The following BMPR1A variants were observed in gnomAD, a reference collection of about 807,000 sequenced individuals.
BMPR1A encodes bone morphogenetic protein receptor type-1A.
A neutral mutation model predicts 66.0 loss-of-function variants in BMPR1A; 7 were observed. That is an observed-to-expected ratio of 0.11 (90% CI 0.06 to 0.20). The LOEUF (loss-of-function observed/expected upper bound fraction) is 0.20. Among genes scored for constraint, BMPR1A ranks in the 10% least tolerant of loss-of-function variants. The probability of loss-of-function intolerance (pLI) is 1.00; values close to 1 mark genes in which losing one functional copy is unlikely to be tolerated. For synonymous variants in BMPR1A, 200 were observed against 229.7 expected (o/e 0.87, Z 1.17); for missense variants, 408 against 669.1 (o/e 0.61, Z 4.31).
intron 2 of BMPR1A, among the ~76,000 whole-genome samples, chr10:86,868,134 G>A (rs898038640): frequency 8.6e-5 from 13 of 152,044 alleles, no homozygotes; most frequent in African/African-American, 2.9e-4. Context: ...CCTGGCCCAC[G>A]GGCATTATTG....
Position 86,823,708 on chromosome 10 carries a change from C to T in BMPR1A, c.-267-15157C>T, listed in dbSNP as rs369767826. On this transcript the variant is annotated intron_variant, in intron 1 of 12. Transcript: ENST00000372037. ...CTGGATCAGACCATACATTGGTGAT[C>T]CTGCTTCACAACCATAGAATCCAGA... Among the ~76,000 whole-genome samples, 10 of 152,250 alleles carry T rather than the reference C, an allele frequency of 6.6e-5. No homozygotes were observed. In the East Asian group the frequency reaches 1.4e-3, roughly 21 times the overall value.
At chr10:86,756,603 C>T (rs1847866263), upstream of BMPR1A, 1 of 151,082 alleles carries the variant, frequency 6.6e-6, no homozygotes, top group Non-Finnish European at 1.5e-5. Context: ...CCCGCGCCGC[C>T]CCCTCCCCTC....
intron 2 of BMPR1A, among the ~76,000 whole-genome samples, chr10:86,848,133 A>C (rs913811163): frequency 1.3e-5 from 2 of 151,978 alleles, no homozygotes; most frequent in African/African-American, 4.8e-5. Context: ...GGGCTTCATC[A>C]TGTTGGTCAG....
At chr10:86,791,215 C>CTT (rs33919307) in intron 1 of BMPR1A, among the ~76,000 whole-genome samples, 8 of 141,832 alleles carry the variant, frequency 5.6e-5, no homozygotes, top group African/African-American at 1.6e-4. Flanking sequence ...TCAGTGCTTG[C>CTT]TTTTTTTTTT....
At chr10:86,779,016 T>TCTCA (rs1841397475) in intron 1 of BMPR1A, among the ~76,000 whole-genome samples, 1 of 150,152 alleles carries the variant, frequency 6.7e-6, no homozygotes, top group Non-Finnish European at 1.5e-5. Context: ...GATCCATTCC[T>TCTCA]CTCAGCCTGC....
At chr10:86,797,467 G>A (rs113590251) in intron 1 of BMPR1A, among the ~76,000 whole-genome samples, 5 of 151,994 alleles carry the variant, frequency 3.3e-5, no homozygotes, top group African/African-American at 9.6e-5. Context: ...TCCTGGCCTC[G>A]TGATTCGCCC....
intron 2 of BMPR1A, among the ~76,000 whole-genome samples, chr10:86,859,462 G>A (rs755722142): frequency 1.8e-4 from 28 of 151,934 alleles, no homozygotes; most frequent in Non-Finnish European, 8.8e-5. Flanking sequence ...AGCCATTAGC[G>A]CCCAGCTAAA....
intron 1 of BMPR1A, among the ~76,000 whole-genome samples, chr10:86,777,843 G>A (rs1249238197): frequency 3.3e-5 from 5 of 151,844 alleles, no homozygotes; most frequent in East Asian, 1.9e-4. Context: ...GAGAAACCCC[G>A]TCTCTACTAA....
At chr10:86,903,351 C>T (rs1843338242) in intron 7 of BMPR1A, among the ~76,000 whole-genome samples, 1 of 151,500 alleles carries the variant, frequency 6.6e-6, no homozygotes, top group African/African-American at 2.4e-5. Flanking sequence ...TGTAAAAGAC[C>T]AAAATGAAAC....
At position 86,862,010 on chromosome 10, in the gene BMPR1A, T is replaced by G. The variant is rs1169659740; in HGVS notation, c.-152-13857T>G. 2.0e-5 allele frequency among the ~76,000 whole-genome samples: 3 copies of G among 152,244 alleles called. No homozygotes were observed. In the East Asian group the frequency reaches 5.8e-4, roughly 29 times the overall value. On this transcript the variant is annotated intron_variant, in intron 2 of 12. Coordinates refer to ENST00000372037, the MANE Select transcript of BMPR1A (RefSeq NM_004329.3). ...AGTCATTCCCTCAATAAATATTTAT[T>G]TAGTATCGACTCTGTGCCAGGCACT...
chr10:86,871,265 T>G (rs555944910), intron 2 of BMPR1A, among the ~76,000 whole-genome samples: 6 of 152,350 alleles, frequency 3.9e-5, no homozygotes, highest in African/African-American at 1.4e-4. Context: ...TCCTTTGCAC[T>G]TATCATGAGT....
At chr10:86,815,506 A>G (rs1166836870) in intron 1 of BMPR1A, among the ~76,000 whole-genome samples, 1 of 152,120 alleles carries the variant, frequency 6.6e-6, no homozygotes, top group East Asian at 1.9e-4. Context: ...AAATGTGCCC[A>G]CTGTTCGTTC....
At chr10:86,832,220 C>T (rs1464058114) in intron 1 of BMPR1A, among the ~76,000 whole-genome samples, 1 of 152,136 alleles carries the variant, frequency 6.6e-6, no homozygotes, top group Non-Finnish European at 1.5e-5. Context: ...GTAATCCCAG[C>T]ACTCTGGGAG....
chr10:86,872,697 TATCTC>T (rs1310582916), intron 2 of BMPR1A, among the ~76,000 whole-genome samples: 1 of 152,204 alleles, frequency 6.6e-6, no homozygotes, highest in Admixed American at 6.5e-5. Flanking sequence ...TGTTTGCTGT[TATCTC>T]ATTTGGTTCT....
chr10:86,795,866 A>G (rs1176822691), intron 1 of BMPR1A, among the ~76,000 whole-genome samples: 1 of 152,198 alleles, frequency 6.6e-6, no homozygotes, highest in Admixed American at 6.5e-5. Context: ...TTAATAATGC[A>G]GTTAAACATC....
chr10:86,895,561 A>G (rs745358444), intron 5 of BMPR1A, among the ~76,000 whole-genome samples: 6 of 152,118 alleles, frequency 3.9e-5, no homozygotes, highest in Non-Finnish European at 7.3e-5. Context: ...TTATGGGACA[A>G]TGGTATAATA....
intron 1 of BMPR1A, among the ~76,000 whole-genome samples, chr10:86,762,705 T>C (rs183280540): frequency 1.1e-3 from 167 of 152,036 alleles, no homozygotes; most frequent in African/African-American, 3.9e-3. Context: ...AAGATAGACA[T>C]TAAATAATTA....
At chr10:86,765,226 G>A (rs1218524719) in intron 1 of BMPR1A, among the ~76,000 whole-genome samples, 12 of 151,998 alleles carry the variant, frequency 7.9e-5, no homozygotes, top group African/African-American at 2.4e-4. Flanking sequence ...TGTGGCTCAC[G>A]CCTGTAATCC....
chr10:86,791,680 A>ACTTCCTTCCTTCCTCCCCCCCCCCCTCC, intron 1 of BMPR1A, among the ~76,000 whole-genome samples: 1 of 103,812 alleles, frequency 9.6e-6, no homozygotes. Flanking sequence ...TTCCTTCTTT[A>ACTTCCTTCCTTCCTCCCCCCCCCCCTCC]CTTCCTTCCT....
Sources: gnomAD v4.1 joint callset for allele counts (sites outside exome capture counted in the v4.1 genomes callset) on GRCh38, gnomAD v4.1.1 for gene constraint, MANE v1.5 for transcripts, NCBI Gene and HGNC (gene_info 2026-07-23, HGNC 2026-07-21) for gene names.